FAM135B: variants seen among roughly 807,000 people sequenced by gnomAD.
The protein encoded by FAM135B is protein FAM135B.
A neutral mutation model predicts 127.7 loss-of-function variants in FAM135B; 43 were observed. That is an observed-to-expected ratio of 0.34 (90% CI 0.26 to 0.43). The LOEUF (loss-of-function observed/expected upper bound fraction) is 0.43, where lower values mean the gene tolerates loss of function less well. Among genes scored for constraint, FAM135B ranks in the 20% least tolerant of loss-of-function variants. The pLI is 1.00. For missense variants in FAM135B, 1,558 were observed against 1,725.6 expected (o/e 0.90, Z 1.72); for synonymous variants, 670 against 665.1 (o/e 1.01, Z -0.11).
intron 12 of FAM135B, among the ~76,000 whole-genome samples, chr8:138,162,156 A>G (rs1819470573): frequency 6.6e-6 from 1 of 152,232 alleles, no homozygotes; most frequent in Non-Finnish European, 1.5e-5. Context: ...ACAGTGAACC[A>G]GGCTCTGCCT....
At chr8:138,246,475 G>A (rs1821295520) in intron 6 of FAM135B, among the ~76,000 whole-genome samples, 1 of 152,158 alleles carries the variant, frequency 6.6e-6, no homozygotes, top group South Asian at 2.1e-4. Context: ...TTCAGAGGGT[G>A]CGAGCCTCAA....
rs1420221257 is a variant in FAM135B at position 138,177,562 on chromosome 8, T to C, written c.1030-142A>G. The C allele has an allele frequency of 4.4e-6, 3 of 675,802 alleles. No individual in the cohort carries two copies. In the African/African-American group the frequency reaches 5.4e-5, roughly 12 times the overall value. The allele number at this position is 675,802 out of a possible 1,614,324, so 41.9% of individuals were successfully genotyped here. On this transcript the variant is annotated intron_variant, in intron 10 of 19. Transcript: ENST00000395297. ...AGGCCCCTGACCTGAAGGTTCTGAA[T>C]CAACAGTCTTCACATTCCTCCAAAC...
chr8:138,488,964 G>A (rs577311557), intron 1 of FAM135B, among the ~76,000 whole-genome samples: 10 of 152,118 alleles, frequency 6.6e-5, no homozygotes, highest in Non-Finnish European at 8.8e-5. Flanking sequence ...CACGCCCGGC[G>A]TTTGTTTGAT....
chr8:138,335,398 T>C (rs11166810), intron 2 of FAM135B, among the ~76,000 whole-genome samples: 68,261 of 152,056 alleles, frequency 0.45, 18,004 homozygotes, highest in Non-Finnish European at 0.61. Flanking sequence ...AAACCCTAAA[T>C]AGTCATACAA....
intron 1 of FAM135B, among the ~76,000 whole-genome samples, chr8:138,382,839 G>A (rs902849123): frequency 6.6e-6 from 1 of 152,066 alleles, no homozygotes; most frequent in African/African-American, 2.4e-5. Context: ...GAATGAACAG[G>A]GTTAATTTCA....
intron 2 of FAM135B, among the ~76,000 whole-genome samples, chr8:138,335,471 A>C (rs1186739014): frequency 6.6e-6 from 1 of 152,232 alleles, no homozygotes; most frequent in Admixed American, 6.5e-5. Flanking sequence ...TCTCAGATAA[A>C]ACAGACTTTA....
chr8:138,374,983 TAACAACAACAACAAC>T (rs58875296), intron 1 of FAM135B, among the ~76,000 whole-genome samples: 1 of 150,262 alleles, frequency 6.7e-6, no homozygotes, highest in Admixed American at 6.6e-5. Context: ...CTGGGAAAAT[TAACAACAACAACAAC>T]AACAACAACA....
At chr8:138,439,602 C>T (rs1455355361) in intron 1 of FAM135B, 1 of 152,132 alleles carries the variant, frequency 6.6e-6, no homozygotes, top group African/African-American at 2.4e-5. Flanking sequence ...GGGGATGAAG[C>T]ATTAACATTA....
chr8:138,222,678 G>GTTTT (rs33913656), intron 7 of FAM135B, among the ~76,000 whole-genome samples: 7 of 104,030 alleles, frequency 6.7e-5, no homozygotes, highest in African/African-American at 1.4e-4. Flanking sequence ...TGTTGGTGGT[G>GTTTT]TTTTTTTTTT....
intron 12 of FAM135B, among the ~76,000 whole-genome samples, chr8:138,155,789 C>T (rs1025626030): frequency 5.9e-5 from 9 of 152,180 alleles, no homozygotes; most frequent in African/African-American, 2.2e-4. Flanking sequence ...CACCCAGATT[C>T]ATAAAGCAAG....
chr8:138,331,421 A>C (rs1175208370), intron 2 of FAM135B, among the ~76,000 whole-genome samples: 2 of 152,268 alleles, frequency 1.3e-5, no homozygotes, highest in Admixed American at 6.5e-5. Flanking sequence ...AAATAGATTA[A>C]TTCCTTTTTA....
intron 1 of FAM135B, among the ~76,000 whole-genome samples, chr8:138,396,733 A>G (rs79778146): frequency 0.035 from 5,378 of 152,122 alleles, 329 homozygotes; most frequent in African/African-American, 0.12. Flanking sequence ...CTCGCTCAGG[A>G]AAACCTCACC....
chr8:138,302,864 T>C (rs1338814702), intron 3 of FAM135B, among the ~76,000 whole-genome samples: 1 of 152,240 alleles, frequency 6.6e-6, no homozygotes, highest in Non-Finnish European at 1.5e-5. Flanking sequence ...AATTTTATGC[T>C]GGGTAAGTAT....
intron 2 of FAM135B, among the ~76,000 whole-genome samples, chr8:138,346,438 C>T (rs577675019): frequency 6.6e-6 from 1 of 152,286 alleles, no homozygotes; most frequent in African/African-American, 2.4e-5. Context: ...CAATGATAGA[C>T]TGGGTAAAGA....
At chr8:138,361,174 C>A (rs1354518111) in intron 2 of FAM135B, among the ~76,000 whole-genome samples, 1 of 152,144 alleles carries the variant, frequency 6.6e-6, no homozygotes, top group Non-Finnish European at 1.5e-5. Context: ...GCAATCCACC[C>A]TCCTCAGCCT....
At chr8:138,256,133 T>A (rs1288278570) in intron 5 of FAM135B, among the ~76,000 whole-genome samples, 3 of 92,890 alleles carry the variant, frequency 3.2e-5, no homozygotes, top group African/African-American at 1.1e-4. Flanking sequence ...CCCAGCTTAG[T>A]TGGCCTGACA....
chr8:138,319,085 A>C (rs537770311), intron 2 of FAM135B, among the ~76,000 whole-genome samples: 1 of 5,542 alleles, frequency 1.8e-4, no homozygotes, highest in South Asian at 0.25. Context: ...TAAATCTACA[A>C]GTTTTTTTTT....
chr8:138,299,020 A>T lies in FAM135B; in HGVS notation c.157+11821T>A, dbSNP rs181779150. ...GGTTGCAATGAGCCGAGATCGCGCCACCGCACTCCAGCCTGGGCGATAGAG... is the reference window on the plus strand; with the variant it reads ...GGTTGCAATGAGCCGAGATCGCGCCTCCGCACTCCAGCCTGGGCGATAGAG... On this transcript the variant is annotated intron_variant, in intron 3 of 19. Coordinates refer to ENST00000395297, the MANE Select transcript of FAM135B (RefSeq NM_015912.4). 6.4e-3 allele frequency among the ~76,000 whole-genome samples: 963 copies of T among 151,578 alleles called. 13 individuals are homozygous for T. Among genetic ancestry groups the T allele is most frequent in the Middle Eastern group, 0.021 (6 of 292 alleles).
chr8:138,389,758 G>A (rs536639484), intron 1 of FAM135B, among the ~76,000 whole-genome samples: 14 of 152,256 alleles, frequency 9.2e-5, no homozygotes, highest in African/African-American at 2.4e-4. Context: ...ACAATATTGC[G>A]GATATGCTGA....
Sources: gnomAD v4.1 joint callset for allele counts (sites outside exome capture counted in the v4.1 genomes callset) on GRCh38, gnomAD v4.1.1 for gene constraint, MANE v1.5 for transcripts, NCBI Gene and HGNC (gene_info 2026-07-23, HGNC 2026-07-21) for gene names.